DLG4: variants seen among roughly 807,000 people sequenced by gnomAD.
DLG4 encodes the protein disks large homolog 4.
DLG4 carries 7 observed loss-of-function variants against 93.8 expected under a neutral mutation model. The ratio of observed to expected loss-of-function variants is 0.07; its 90% CI spans 0.04 to 0.14. The LOEUF (loss-of-function observed/expected upper bound fraction) is 0.14. Ranked by LOEUF, DLG4 falls within the 10% of genes least tolerant of loss-of-function variation. The pLI, the probability that DLG4 is intolerant of heterozygous loss-of-function variation, is 1.00. For synonymous variants in DLG4, 341 were observed against 387.6 expected (o/e 0.88, Z 1.41); for missense variants, 545 against 992.9 (o/e 0.55, Z 6.06).
At chr17:7,198,426 G>A (rs1331520325) in intron 8 of DLG4, among the ~76,000 whole-genome samples, 1 of 147,352 alleles carries the variant, frequency 6.8e-6, no homozygotes, top group Non-Finnish European at 1.5e-5. Context: ...GAGGTTGCAA[G>A]GAGCCAAGAT....
In DLG4 at chr17:7,208,301, G is replaced by A. The variant is rs1360443948; in HGVS notation, c.31-62C>T. On this transcript the variant is annotated intron_variant, in intron 1 of 19. Coordinates refer to ENST00000399506, the MANE Select transcript of DLG4 (RefSeq NM_001321075.3). This position sits in a 1 kb window ranked among gnomAD's most constrained non-coding sequence, Gnocchi z 5.4. ...CGGTGCCTCAGGCTCCAGGCTGGCC[G>A]CCCTGGCCGCCGCCTCTTCCCCCAG... 41 of 1,287,458 alleles carry A rather than the reference G, an allele frequency of 3.2e-5. No homozygotes were observed. Among genetic ancestry groups the A allele is most frequent in the South Asian group, 6.4e-5 (2 of 31,198 alleles). The allele number at this position is 1,287,458 out of a possible 1,614,324, so 79.8% of individuals were successfully genotyped here.
chr17:7,206,232 T>A (rs1193926484), intron 2 of DLG4, among the ~76,000 whole-genome samples: 1 of 152,076 alleles, frequency 6.6e-6, no homozygotes, highest in African/African-American at 2.4e-5. Context: ...TACAGGCACA[T>A]GCCACCCCAC....
At position 7,203,689 on chromosome 17, in the gene DLG4, C is replaced by G; in HGVS notation, c.335+3G>C. On this transcript the variant is annotated splice_donor_region_variant and intron_variant, in intron 5 of 19. Coordinates refer to ENST00000399506, the MANE Select transcript of DLG4 (RefSeq NM_001321075.3). The surrounding 1 kb of genome is among the most constrained non-coding windows in gnomAD (Gnocchi z 7.2). ...CAACCTAACCCCTGTCTCCTCTCCC[C>G]ACCTGAGGCGGCCATCCTGGGCCGC... 6.2e-7 allele frequency: 1 copy of G among 1,613,942 alleles called. No individual in the cohort carries two copies. The highest frequency in any genetic ancestry group is 8.5e-7 in the Non-Finnish European group (1 of 1,179,876).
rs2069667387 is a variant in DLG4 at position 7,194,501 on chromosome 17, G to A, written c.1302-6C>T. On this transcript the variant is annotated splice_polypyrimidine_tract_variant and splice_region_variant and intron_variant, in intron 11 of 19. Coordinates refer to ENST00000399506, the MANE Select transcript of DLG4 (RefSeq NM_001321075.3). The surrounding 1 kb of genome is among the most constrained non-coding windows in gnomAD (Gnocchi z 4.4). ...TGTCGTAATCAAACAGGGCCCTGGAGGGCAAGTGGCTATCGGTCAGAGCCC... is the reference window on the plus strand; with the variant it reads ...TGTCGTAATCAAACAGGGCCCTGGAAGGCAAGTGGCTATCGGTCAGAGCCC... 2 of 1,599,356 alleles carry A rather than the reference G, an allele frequency of 1.3e-6. No individual in the cohort carries two copies. Among genetic ancestry groups the A allele is most frequent in the African/African-American group, 1.3e-5 (1 of 74,584 alleles).
At chr17:7,218,377 G>T, upstream of DLG4, 1 of 1,452,954 alleles carries the variant, frequency 6.9e-7, no homozygotes, top group Non-Finnish European at 9.5e-7. Flanking sequence ...GGCAAGGGAG[G>T]AGCCCTTTCA....
chr17:7,206,360 C>T (rs749051128), intron 2 of DLG4, among the ~76,000 whole-genome samples: 63 of 152,110 alleles, frequency 4.1e-4, no homozygotes, highest in Non-Finnish European at 7.4e-4. Context: ...TCAATCAACT[C>T]CCCTCTCTTC....
rs2069647793 is a variant in DLG4, at chr17:7,194,169, C to T, written c.1478+150G>A. 7.5e-7 allele frequency: 1 copy of T among 1,330,772 alleles called. No homozygotes were observed. The highest frequency in any genetic ancestry group is 1.5e-5 in the African/African-American group (1 of 68,228). 82.4% of individuals were successfully genotyped at this position (1,330,772 alleles called of 1,614,324 possible). On this transcript the variant is annotated intron_variant, in intron 12 of 19. Coordinates refer to ENST00000399506, the MANE Select transcript of DLG4 (RefSeq NM_001321075.3). The surrounding 1 kb of genome is among the most constrained non-coding windows in gnomAD (Gnocchi z 4.4). ...AATAAGGAGTTGTCCTTCCCAAAGG[C>T]TCATGGGAGCCACGGACCCCAGGAG...
rs766748037 is a variant in DLG4, at chr17:7,194,414, A to G, written c.1383T>C (p.His461=). Residue 461 remains histidine (H), a synonymous_variant, in exon 12 of 20, where the codon CAT becomes CAC. Transcript: ENST00000399506. The surrounding 1 kb of genome is among the most constrained non-coding windows in gnomAD (Gnocchi z 4.4). The part of the protein sequence containing the change: ...ALSFRFGDVL[H]VIDASDEEWW... ...ACTCCTCATCACTAGCATCGATGAC[A>G]TGCAGCACATCCCCAAAGCGGAAGC... 6.2e-7 allele frequency: 1 copy of G among 1,612,902 alleles called. No homozygotes were observed. The highest frequency in any genetic ancestry group is 1.1e-5 in the South Asian group (1 of 90,722).
Position 7,190,486 on chromosome 17 carries a change from C to G in DLG4, c.*222G>C, listed in dbSNP as rs2069430581. 5 of 557,370 alleles carry G rather than the reference C, an allele frequency of 9.0e-6. 1 individual carries two copies. The highest frequency in any genetic ancestry group is 4.2e-5 in the South Asian group (2 of 47,212). 34.5% of individuals were successfully genotyped at this position (557,370 alleles called of 1,614,324 possible). On this transcript the variant is annotated 3_prime_UTR_variant, in exon 20 of 20. Coordinates refer to ENST00000399506, the MANE Select transcript of DLG4 (RefSeq NM_001321075.3). The stretch of plus-strand genomic sequence containing the variant: ...GCTCGGAACAAGGAGCCCAGCTCCC[C>G]CCCAGACCCCAGGTTCCTGGCGTTC...
rs2069642342 is a variant in DLG4, at chr17:7,194,063, C to T, written c.1479-63G>A. ...GCCTACCCCCTGCCACCCCCATGCT[C>T]TGAGCCAGCTGACAACCCCTTCTCC... is the stretch of plus-strand genomic sequence containing the variant. On this transcript the variant is annotated intron_variant, in intron 12 of 19. Coordinates refer to ENST00000399506, the MANE Select transcript of DLG4 (RefSeq NM_001321075.3). The surrounding 1 kb of genome is among the most constrained non-coding windows in gnomAD (Gnocchi z 4.4). 1 of 1,581,322 alleles carries T rather than the reference C, an allele frequency of 6.3e-7. No individual in the cohort carries two copies. The highest frequency in any genetic ancestry group is 8.6e-7 in the Non-Finnish European group (1 of 1,163,046).
intron 2 of DLG4, 174 bp downstream of exon 2, chr17:7,208,000 A>G (rs1170473923): frequency 1.4e-5 from 16 of 1,152,732 alleles, no homozygotes; most frequent in Non-Finnish European, 1.7e-5. Context: ...CTCTCACCCT[A>G]CCGGCCCTTA....
chr17:7,194,364 G>C lies in DLG4; in HGVS notation c.1433C>G (p.Ser478Cys), dbSNP rs2069661118. The C allele has an allele frequency of 6.2e-7, 1 of 1,606,766 alleles. No individual in the cohort carries two copies. The highest frequency in any genetic ancestry group is 1.3e-5 in the African/African-American group (1 of 74,730). ...CCCAATGTCGTCGGTCTCACTGTCA[G>C]AGTGGACCCGCCGTGCCTGCCACCA... ...EEWWQARRVH[S>C]DSETDDIGFI... Residue 478 changes from serine to cysteine, a missense_variant, in exon 12 of 20, where the codon TCT becomes TGT. Coordinates refer to ENST00000399506, the MANE Select transcript of DLG4 (RefSeq NM_001321075.3). This position sits in a 1 kb window ranked among gnomAD's most constrained non-coding sequence, Gnocchi z 4.4.
rs776020416 is a variant in DLG4, at chr17:7,194,499, G to A, written c.1302-4C>T. The stretch of plus-strand genomic sequence containing the variant: ...CTTGTCGTAATCAAACAGGGCCCTG[G>A]AGGGCAAGTGGCTATCGGTCAGAGC... On this transcript the variant is annotated splice_polypyrimidine_tract_variant and splice_region_variant and intron_variant, in intron 11 of 19. Coordinates refer to ENST00000399506, the MANE Select transcript of DLG4 (RefSeq NM_001321075.3). This position sits in a 1 kb window ranked among gnomAD's most constrained non-coding sequence, Gnocchi z 4.4. 1.9e-6 allele frequency: 3 copies of A among 1,599,826 alleles called. No individual in the cohort carries two copies. The highest frequency in any genetic ancestry group is 2.6e-6 in the Non-Finnish European group (3 of 1,173,488).
upstream of DLG4, chr17:7,219,397 G>A (rs1039553838): frequency 1.3e-5 from 13 of 1,013,854 alleles, no homozygotes; most frequent in Admixed American, 5.3e-5. Flanking sequence ...ATCTGGGGGG[G>A]TCTTCCTACT....
rs2069336360 is a variant in DLG4 at position 7,187,965 on chromosome 17, G to A, written c.*2743C>T. 6.6e-6 allele frequency among the ~76,000 whole-genome samples: 1 copy of A among 151,882 alleles called. No homozygotes were observed. The highest frequency in any genetic ancestry group is 1.5e-5 in the Non-Finnish European group (1 of 67,994). ...CGCATCTGTAATCCCAGCTACTTGG[G>A]AAGCTGAGGCAGGAGAATCACTTGA... is the stretch of plus-strand genomic sequence containing the variant. On this transcript the variant is annotated 3_prime_UTR_variant, in exon 20 of 20. Transcript: ENST00000399506.
Position 7,194,487 on chromosome 17 carries a change from A to C in DLG4, c.1310T>G (p.Phe437Cys). 1 of 1,605,308 alleles carries C rather than the reference A, an allele frequency of 6.2e-7. No individual in the cohort carries two copies. Among genetic ancestry groups the C allele is most frequent in the Non-Finnish European group, 8.5e-7 (1 of 1,176,102 alleles). The change falls in exon 12 of 20, where the codon TTT becomes TGT. Residue 437 changes from phenylalanine to cysteine, a missense_variant. By Grantham distance (205) the Phe-to-Cys change is radical (BLOSUM62 -2). Transcript: ENST00000399506. The surrounding 1 kb of genome is among the most constrained non-coding windows in gnomAD (Gnocchi z 4.4). Reference sequence around the variant, plus strand: ...GCAGTCCTTGGTCTTGTCGTAATCAAACAGGGCCCTGGAGGGCAAGTGGCT... The same window carrying C: ...GCAGTCCTTGGTCTTGTCGTAATCACACAGGGCCCTGGAGGGCAAGTGGCT... ...PKRGFYIRAL[F>C]DYDKTKDCGF...
upstream of DLG4, chr17:7,217,767 G>T: frequency 7.2e-6 from 11 of 1,535,352 alleles, no homozygotes; most frequent in Non-Finnish European, 8.7e-6. Flanking sequence ...AGGCCCCTGA[G>T]GCAAACATGG....
chr17:7,204,356 C>A, intron 2 of DLG4, 104 bp from the exon 3 acceptor site: 2 of 1,122,008 alleles, frequency 1.8e-6, no homozygotes, highest in South Asian at 1.6e-5. Flanking sequence ...GCCTCTTAGC[C>A]AAGCCCACTC....
At chr17:7,200,078 G>GT (rs553726014) in intron 8 of DLG4, among the ~76,000 whole-genome samples, 216 of 152,128 alleles carry the variant, frequency 1.4e-3, no homozygotes, top group African/African-American at 4.9e-3. Context: ...TTTAGGAATA[G>GT]TACCACATGA....
Sources: gnomAD v4.1 joint callset for allele counts (sites outside exome capture counted in the v4.1 genomes callset) on GRCh38, gnomAD v4.1.1 for gene constraint, Gnocchi (gnomAD v3.1) non-coding constraint, MANE v1.5 for transcripts, NCBI Gene and HGNC (gene_info 2026-07-23, HGNC 2026-07-21) for gene names.